NRG3: variants seen among roughly 807,000 people sequenced by gnomAD.
NRG3 encodes the protein neuregulin 3, also known as pro-neuregulin-3, membrane-bound isoform.
NRG3 carries 31 observed loss-of-function variants against 66.9 expected under a neutral mutation model. The ratio of observed to expected loss-of-function variants is 0.46; its 90% CI spans 0.35 to 0.63. The LOEUF is 0.63. Ranked by LOEUF, NRG3 falls within the 20% of genes least tolerant of loss-of-function variation. NRG3 has a pLI of 0.00. For synonymous variants in NRG3, 393 were observed against 359.4 expected, an observed-to-expected ratio of 1.09 and a Z score of -1.06; for missense variants, 910 against 878.9, an observed-to-expected ratio of 1.04 and a Z score of -0.45.
intron 1 of NRG3, among the ~76,000 whole-genome samples, chr10:81,992,615 A>G (rs1197150499): frequency 6.6e-6 from 1 of 152,172 alleles, no homozygotes; most frequent in Non-Finnish European, 1.5e-5. Context: ...TAACTGTTTT[A>G]GGTTCCTTTT....
At chr10:82,404,717 T>C (rs944557587) in intron 2 of NRG3, among the ~76,000 whole-genome samples, 1 of 152,186 alleles carries the variant, frequency 6.6e-6, no homozygotes, top group Non-Finnish European at 1.5e-5. Context: ...GGATGCCACA[T>C]GTCATAACTG....
intron 1 of NRG3, among the ~76,000 whole-genome samples, chr10:81,938,396 T>G (rs540887084): frequency 6.6e-6 from 1 of 150,406 alleles, no homozygotes; most frequent in East Asian, 2.0e-4. Context: ...GTGTGTGTTT[T>G]TTTTTTTCCA....
At chr10:82,864,660 T>G (rs1424045024) in intron 3 of NRG3, among the ~76,000 whole-genome samples, 1 of 152,208 alleles carries the variant, frequency 6.6e-6, no homozygotes, top group Admixed American at 6.5e-5. Flanking sequence ...CCAGTACAGT[T>G]CATTGCTCTG....
At chr10:82,282,806 C>T (rs1392398554) in intron 1 of NRG3, among the ~76,000 whole-genome samples, 1 of 152,042 alleles carries the variant, frequency 6.6e-6, no homozygotes, top group Non-Finnish European at 1.5e-5. Flanking sequence ...TTTCCACTAG[C>T]ACCTCCACAA....
intron 2 of NRG3, among the ~76,000 whole-genome samples, chr10:82,622,491 T>C (rs960314756): frequency 6.6e-6 from 1 of 152,190 alleles, no homozygotes; most frequent in Non-Finnish European, 1.5e-5. Context: ...AAACAGAAAT[T>C]ATACACGCAC....
At chr10:82,709,919 T>G (rs1296943941) in intron 2 of NRG3, among the ~76,000 whole-genome samples, 1 of 152,230 alleles carries the variant, frequency 6.6e-6, no homozygotes, top group African/African-American at 2.4e-5. Context: ...TAGTTTTCCT[T>G]TATATTTTAA....
At chr10:82,757,726 C>G (rs572496945) in intron 3 of NRG3, among the ~76,000 whole-genome samples, 2 of 152,144 alleles carry the variant, frequency 1.3e-5, no homozygotes, top group African/African-American at 4.8e-5. Flanking sequence ...CATGCAGCCC[C>G]TTCTGGTTGA....
At chr10:82,095,156 C>T (rs1250439393) in intron 1 of NRG3, among the ~76,000 whole-genome samples, 3 of 152,064 alleles carry the variant, frequency 2.0e-5, no homozygotes, top group African/African-American at 7.2e-5. Context: ...ATAGCTACAC[C>T]TTAAGGATGC....
chr10:81,877,782 T>C (rs2132441978), intron 1 of NRG3: 1 of 1,371,868 alleles, frequency 7.3e-7, no homozygotes, highest in Non-Finnish European at 9.4e-7. Flanking sequence ...GCAGTCATTT[T>C]TGAGAGCACA....
chr10:82,697,948 G>C (rs1218266732), intron 2 of NRG3, among the ~76,000 whole-genome samples: 1 of 152,114 alleles, frequency 6.6e-6, no homozygotes, highest in Non-Finnish European at 1.5e-5. Flanking sequence ...GTGAAGCACA[G>C]TTGCCCTGTC....
chr10:82,587,606 A>G (rs1590780360), intron 2 of NRG3, among the ~76,000 whole-genome samples: 1 of 152,304 alleles, frequency 6.6e-6, no homozygotes, highest in South Asian at 2.1e-4. Context: ...AACATCATCC[A>G]GGCTCTCCAG....
At chr10:82,596,984 AC>A (rs2047319021) in intron 2 of NRG3, among the ~76,000 whole-genome samples, 2 of 151,952 alleles carry the variant, frequency 1.3e-5, no homozygotes, top group South Asian at 4.2e-4. Flanking sequence ...TTTTTCTAAC[AC>A]CTGCACTGCA....
chr10:82,548,608 G>T (rs2044096083), intron 2 of NRG3, among the ~76,000 whole-genome samples: 1 of 151,674 alleles, frequency 6.6e-6, no homozygotes, highest in Non-Finnish European at 1.5e-5. Context: ...GTCCAGTCGG[G>T]CAAGGCAGGA....
At chr10:82,727,585 C>T (rs947212067) in intron 2 of NRG3, among the ~76,000 whole-genome samples, 2 of 152,240 alleles carry the variant, frequency 1.3e-5, no homozygotes, top group African/African-American at 4.8e-5. Context: ...GCCTGGATGT[C>T]TGGGCAGAAG....
At chr10:81,879,058 A>G (rs187842423) in intron 1 of NRG3, among the ~76,000 whole-genome samples, 1 of 152,356 alleles carries the variant, frequency 6.6e-6, no homozygotes. Context: ...ATTGAACTTT[A>G]AAGGCAGGAG....
At chr10:82,873,877 T>C (rs1359159939) in intron 4 of NRG3, among the ~76,000 whole-genome samples, 1 of 152,114 alleles carries the variant, frequency 6.6e-6, no homozygotes, top group Non-Finnish European at 1.5e-5. Flanking sequence ...AATATATTTA[T>C]GCAAAGTATT....
chr10:82,049,751 A>C lies in NRG3; in HGVS notation c.823+173588A>C, dbSNP rs1461910108. On this transcript the variant is annotated intron_variant, in intron 1 of 8. Transcript: ENST00000372141. ...TGGATGCTGGTCAAATTTCTGTCTC[A>C]TATCAATAGCTGCAATAGATGGATA... is the stretch of plus-strand genomic sequence containing the variant. Among the ~76,000 whole-genome samples the C allele has an allele frequency of 2.0e-5, 3 of 152,068 alleles. No individual in the cohort carries two copies. In the South Asian group the frequency reaches 6.2e-4, roughly 32 times the overall value.
intron 3 of NRG3, among the ~76,000 whole-genome samples, chr10:82,843,551 TA>T (rs1591696416): frequency 6.6e-6 from 1 of 152,096 alleles, no homozygotes; most frequent in East Asian, 1.9e-4. Flanking sequence ...AAATCAATAA[TA>T]AATACAAGGA....
chr10:81,876,835 C>G (rs181484558), intron 1 of NRG3, among the ~76,000 whole-genome samples: 1 of 151,932 alleles, frequency 6.6e-6, no homozygotes, highest in Non-Finnish European at 1.5e-5. Flanking sequence ...AAGGTGTAGA[C>G]ATAGATTCTG....
Sources: allele counts gnomAD v4.1 joint callset (sites outside exome capture counted in the v4.1 genomes callset), GRCh38; gene constraint gnomAD v4.1.1; transcripts MANE v1.5; gene names NCBI Gene and HGNC (gene_info 2026-07-23, HGNC 2026-07-21).